IQCK: variants seen among roughly 807,000 people sequenced by gnomAD.
The protein encoded by IQCK is IQ motif containing K, also known as IQ domain-containing protein K.
In IQCK, 29 loss-of-function variants were observed where a neutral mutation model predicts 28.1. The observed-to-expected ratio is 1.03, with a 90% CI of 0.77 to 1.41. The LOEUF is 1.41. Ranked by LOEUF, IQCK falls within the 40% of genes most tolerant of loss-of-function variation. The pLI is 0.00. For synonymous variants in IQCK, 113 were observed against 115.1 expected (o/e 0.98, Z 0.12); for missense variants, 359 against 314.7 (o/e 1.14, Z -1.07).
chr16:19,733,658 T>G, intron 2 of IQCK, 40 bp from the exon 3 acceptor site: 1 of 1,606,280 alleles, frequency 6.2e-7, no homozygotes, highest in Non-Finnish European at 8.5e-7. Flanking sequence ...TTATTTAAGC[T>G]GTTTAAATGA....
At chr16:19,784,996 T>A (rs2055542826) in intron 6 of IQCK, among the ~76,000 whole-genome samples, 1 of 152,142 alleles carries the variant, frequency 6.6e-6, no homozygotes, top group Non-Finnish European at 1.5e-5. Flanking sequence ...CTCGAACCCC[T>A]GACCTCAGGT....
At chr16:19,752,474 G>C (rs1348688232) in intron 4 of IQCK, among the ~76,000 whole-genome samples, 1 of 152,160 alleles carries the variant, frequency 6.6e-6, no homozygotes, top group Non-Finnish European at 1.5e-5. Flanking sequence ...TTATTTGCTG[G>C]AGTTAACTCT....
intron 7 of IQCK, among the ~76,000 whole-genome samples, chr16:19,800,600 C>T (rs1349000643): frequency 4.0e-5 from 1 of 25,020 alleles, no homozygotes; most frequent in Non-Finnish European, 5.9e-5. Context: ...GAATTTAATC[C>T]ATAGAGTATT....
intron 7 of IQCK, among the ~76,000 whole-genome samples, chr16:19,808,438 A>G (rs2055860038): frequency 6.6e-6 from 1 of 152,152 alleles, no homozygotes. Flanking sequence ...ACTGCAGTGA[A>G]CTGGCTCCAG....
chr16:19,820,244 T>C (rs567594591), intron 7 of IQCK, among the ~76,000 whole-genome samples: 1 of 152,174 alleles, frequency 6.6e-6, no homozygotes, highest in South Asian at 2.1e-4. Context: ...CCAGGCGCAA[T>C]GGCTCAAGTC....
At chr16:19,812,910 G>A (rs1179624164) in intron 7 of IQCK, among the ~76,000 whole-genome samples, 1 of 152,224 alleles carries the variant, frequency 6.6e-6, no homozygotes, top group Non-Finnish European at 1.5e-5. Flanking sequence ...TTGAATCAAT[G>A]TACTAAAGCA....
intron 6 of IQCK, among the ~76,000 whole-genome samples, chr16:19,774,429 A>T (rs530558838): frequency 1.1e-5 from 1 of 90,386 alleles, no homozygotes; most frequent in Non-Finnish European, 1.9e-5. Context: ...TTTTTTTGAG[A>T]CAGGGTCTTA....
intron 1 of IQCK, among the ~76,000 whole-genome samples, chr16:19,727,591 C>A (rs372830238): frequency 6.7e-6 from 1 of 150,100 alleles, no homozygotes; most frequent in African/African-American, 2.5e-5. Flanking sequence ...TGTCACCCCC[C>A]CCCCCCAAAA....
chr16:19,839,596 G>GC (rs2056341806), intron 9 of IQCK, among the ~76,000 whole-genome samples: 1 of 152,158 alleles, frequency 6.6e-6, no homozygotes, highest in South Asian at 2.1e-4. Flanking sequence ...ACAGTGCCCA[G>GC]CACATGGTAG....
intron 7 of IQCK, among the ~76,000 whole-genome samples, chr16:19,816,501 C>G (rs1329656162): frequency 1.3e-5 from 2 of 152,148 alleles, no homozygotes; most frequent in African/African-American, 4.8e-5. Context: ...AGGCTGGTCT[C>G]AAACTCCTGA....
At chr16:19,841,119 T>C (rs2056358377) in intron 9 of IQCK, among the ~76,000 whole-genome samples, 1 of 152,178 alleles carries the variant, frequency 6.6e-6, no homozygotes, top group Non-Finnish European at 1.5e-5. Flanking sequence ...TTAAAAATAA[T>C]TTAAAACCTG....
intron 4 of IQCK, among the ~76,000 whole-genome samples, chr16:19,748,670 A>C (rs530034237): frequency 5.3e-5 from 8 of 152,272 alleles, no homozygotes; most frequent in Non-Finnish European, 1.2e-4. Context: ...ACATGAGTGA[A>C]TGGAGGGTGT....
chr16:19,789,806 T>C (rs374197566), intron 7 of IQCK, among the ~76,000 whole-genome samples: 1 of 91,014 alleles, frequency 1.1e-5, no homozygotes, highest in South Asian at 3.6e-4. Context: ...TTTTTATTGT[T>C]GTAATAAATG....
rs114206894 is a variant in IQCK at position 19,814,820 on chromosome 16, G to C, written c.691-12206G>C. On this transcript the variant is annotated intron_variant, in intron 7 of 7. Transcript: ENST00000564186. ...TTTTTTTTTTTGAGACAGGGTCTCA[G>C]TCTGCTGCCCAGGTCGGAGTGCCAT... Among the ~76,000 whole-genome samples the C allele has an allele frequency of 3.7e-3, 519 of 138,978 alleles. 5 individuals are homozygous for C. The highest frequency in any genetic ancestry group is 0.013 in the African/African-American group (477 of 35,622). The allele number at this position is 138,978 out of a possible 152,430, so 91.2% of individuals were successfully genotyped here.
chr16:19,749,156 A>T (rs926668372), intron 4 of IQCK, among the ~76,000 whole-genome samples: 20 of 152,238 alleles, frequency 1.3e-4, no homozygotes, highest in African/African-American at 4.6e-4. Flanking sequence ...CCTTAGAATC[A>T]TAAAGGGTTA....
intron 9 of IQCK, among the ~76,000 whole-genome samples, chr16:19,844,544 C>T (rs757206): frequency 0.32 from 48,849 of 151,954 alleles, 8,383 homozygotes; most frequent in East Asian, 0.53. Context: ...ATTTAAGGGG[C>T]AAAAATGACA....
chr16:19,812,865 A>G lies in IQCK; in HGVS notation c.691-14161A>G, dbSNP rs1025918042. 2.0e-5 allele frequency among the ~76,000 whole-genome samples: 3 copies of G among 152,262 alleles called. No individual in the cohort carries two copies. In the South Asian group the frequency reaches 6.2e-4, roughly 31 times the overall value. Reference sequence around the variant, plus strand: ...GGTAGGGGGGGAAATTCAGATTTGAAAAAACTTAAGTGCATCCTCTAGAAA... The same window carrying G: ...GGTAGGGGGGGAAATTCAGATTTGAGAAAACTTAAGTGCATCCTCTAGAAA... On this transcript the variant is annotated intron_variant, in intron 7 of 7. Transcript: ENST00000564186.
intron 4 of IQCK, among the ~76,000 whole-genome samples, chr16:19,743,925 T>G (rs535627224): frequency 2.6e-5 from 4 of 152,334 alleles, no homozygotes; most frequent in South Asian, 4.1e-4. Flanking sequence ...GGCACCTAAT[T>G]ACTATGCCAT....
chr16:19,756,795 G>T (rs2055058686), intron 4 of IQCK, among the ~76,000 whole-genome samples: 1 of 151,934 alleles, frequency 6.6e-6, no homozygotes, highest in Non-Finnish European at 1.5e-5. Flanking sequence ...TACTTGGGAG[G>T]CTGAGGCAGG....
Sources: allele counts gnomAD v4.1 joint callset (sites outside exome capture counted in the v4.1 genomes callset), GRCh38; gene constraint gnomAD v4.1.1; transcripts MANE v1.5; gene names NCBI Gene and HGNC (gene_info 2026-07-23, HGNC 2026-07-21).